Variants in CDCA2 observed in about 807,000 individuals in gnomAD.
The protein encoded by CDCA2 is cell division cycle-associated protein 2.
A neutral mutation model predicts 67.0 loss-of-function variants in CDCA2; 44 were observed. The ratio of observed to expected loss-of-function variants is 0.66; its 90% confidence interval spans 0.52 to 0.84. The LOEUF (loss-of-function observed/expected upper bound fraction) is 0.84, where lower values mean the gene tolerates loss of function less well. CDCA2 is among the 40% of genes least tolerant of loss of function. CDCA2 has a pLI of 0.00. For synonymous variants in CDCA2, 447 were observed against 418.7 expected (o/e 1.07, Z -0.82); for missense variants, 1,253 against 1,203.2 (o/e 1.04, Z -0.61).
chr8:25,492,779 T>C (rs1328187460), intron 13 of CDCA2, among the ~76,000 whole-genome samples: 1 of 152,234 alleles, frequency 6.6e-6, no homozygotes, highest in Non-Finnish European at 1.5e-5. Flanking sequence ...TTGGTTGTTG[T>C]GCAGGACAAT....
Position 25,489,520 on chromosome 8 carries a change from C to T in CDCA2, c.1671+831C>T, listed in dbSNP as rs113498834. Among the ~76,000 whole-genome samples the T allele has an allele frequency of 3.1e-3, 472 of 152,298 alleles. 4 individuals carry two copies. Among genetic ancestry groups the T allele is most frequent in the African/African-American group, 0.011 (453 of 41,580 alleles). Reference sequence around the variant, plus strand: ...TTCCAGTCTGACTGAGTTATCCTCTCTTCCATCTGACATAGCCCCTAGAGA... The same window carrying T: ...TTCCAGTCTGACTGAGTTATCCTCTTTTCCATCTGACATAGCCCCTAGAGA... On this transcript the variant is annotated intron_variant, in intron 13 of 14. Coordinates refer to ENST00000330560, the MANE Select transcript of CDCA2 (RefSeq NM_152562.4).
At chr8:25,478,795 G>A (rs1532915) in intron 7 of CDCA2, among the ~76,000 whole-genome samples, 82,442 of 151,126 alleles carry the variant, frequency 0.55, 24,070 homozygotes, top group Middle Eastern at 0.66. Flanking sequence ...TTTACCCAAA[G>A]CAGTAGCACT....
In CDCA2 at chr8:25,485,815, A is replaced by T. The variant is rs1278801863; in HGVS notation, c.1422A>T (p.Ser474=). 3.1e-6 allele frequency: 5 copies of T among 1,603,336 alleles called. No homozygotes were observed. In the African/African-American group the frequency reaches 5.4e-5, roughly 17 times the overall value. ...CCGTTCTCAGTTCTCCTAATAAATC[A>T]TCAATCTCTGAGACCCTTTCAGGTA... ...SFAVLSSPNK[S]SISETLSGTD... is the part of the protein sequence containing the mutation. Residue 474 remains serine, a synonymous_variant, in exon 11 of 15, where the codon TCA becomes TCT. Coordinates refer to ENST00000330560, the MANE Select transcript of CDCA2 (RefSeq NM_152562.4).
Position 25,469,938 on chromosome 8 carries a change from G to T in CDCA2, c.778G>T (p.Glu260Ter). The T allele has an allele frequency of 6.2e-7, 1 of 1,611,652 alleles. No homozygotes were observed. The highest frequency in any genetic ancestry group is 2.2e-5 in the East Asian group (1 of 44,758). Residue 260 changes from glutamate (E) to a stop codon, truncating the protein, a stop_gained, in exon 7 of 15, where the codon GAA (glutamate) becomes TAA (stop). Transcript: ENST00000330560. LOFTEE classifies it high-confidence loss of function. ...LGSTQSGFLV[E>*]ESLPLSELTE... ...TTCAACACAGTCTGGATTTTTAGTT[G>T]AAGAGTCTCTTCCCCTTTCAGAGCT...
Position 25,507,686 on chromosome 8 carries a change from G to A in CDCA2, c.3020G>A (p.Ser1007Asn), listed in dbSNP as rs368980502. 71 of 1,613,954 alleles carry A rather than the reference G, an allele frequency of 4.4e-5. No individual in the cohort carries two copies. Among genetic ancestry groups the A allele is most frequent in the South Asian group, 4.2e-4 (38 of 91,046 alleles). ...RRSSLNGKGE[S>N]SLTALERIEH... ...TCCTCTCTTAATGGGAAGGGAGAGAGCTCTCTGACTGCCTTGGAAAGGATT... is the reference window on the plus strand; with the variant it reads ...TCCTCTCTTAATGGGAAGGGAGAGAACTCTCTGACTGCCTTGGAAAGGATT... Residue 1007 changes from serine (S) to asparagine (N), a missense_variant, in exon 15 of 15, where the codon AGC (serine) becomes AAC (asparagine). Coordinates refer to ENST00000330560, the MANE Select transcript of CDCA2 (RefSeq NM_152562.4).
At chr8:25,484,517 A>T (rs552282140) in intron 10 of CDCA2, among the ~76,000 whole-genome samples, 2 of 152,172 alleles carry the variant, frequency 1.3e-5, no homozygotes, top group East Asian at 3.9e-4. Context: ...TTACCTCATT[A>T]TCCCTATATC....
Position 25,507,665 on chromosome 8 carries a change from C to A in CDCA2, c.2999C>A (p.Ser1000Tyr). 1 of 1,614,160 alleles carries A rather than the reference C, an allele frequency of 6.2e-7. No individual in the cohort carries two copies. The highest frequency in any genetic ancestry group is 8.5e-7 in the Non-Finnish European group (1 of 1,180,024). The part of the protein sequence containing the change: ...SQFKGYRRRS[S>Y]LNGKGESSLT... ...TTCAAAGGCTACCGGAGAAGATCCT[C>A]TCTTAATGGGAAGGGAGAGAGCTCT... is the stretch of plus-strand genomic sequence containing the variant. The change falls in exon 15 of 15, where the codon TCT becomes TAT. Residue 1000 changes from serine (S) to tyrosine (Y), a missense_variant. Ser to Tyr is a moderately radical substitution (Grantham distance 144). Coordinates refer to ENST00000330560, the MANE Select transcript of CDCA2 (RefSeq NM_152562.4).
rs561627399 is a variant in CDCA2 at position 25,495,576 on chromosome 8, G to A, written c.1671+6887G>A. Reference sequence around the variant, plus strand: ...AATACAGGCACCTGCCACCACGCCCGGCTAATTTTTTATTTTTTATTTTTT... The same window carrying A: ...AATACAGGCACCTGCCACCACGCCCAGCTAATTTTTTATTTTTTATTTTTT... On this transcript the variant is annotated intron_variant, in intron 13 of 14. Transcript: ENST00000330560. Among the ~76,000 whole-genome samples the A allele has an allele frequency of 2.0e-5, 3 of 152,038 alleles. No individual in the cohort carries two copies. The South Asian group carries it at 6.2e-4, about 32-fold the overall frequency.
chr8:25,493,068 T>C (rs942479286), intron 13 of CDCA2, among the ~76,000 whole-genome samples: 1 of 152,192 alleles, frequency 6.6e-6, no homozygotes, highest in African/African-American at 2.4e-5. Flanking sequence ...GCTCAACTCT[T>C]AGAACAGTGC....
At chr8:25,467,002 A>G (rs980348279) in intron 5 of CDCA2, among the ~76,000 whole-genome samples, 26 of 120,908 alleles carry the variant, frequency 2.2e-4, no homozygotes, top group African/African-American at 3.1e-4. Flanking sequence ...AGATCGTGCT[A>G]TTGCACTCCA....
intron 5 of CDCA2, among the ~76,000 whole-genome samples, chr8:25,466,581 C>T (rs556833259): frequency 2.0e-5 from 3 of 152,182 alleles, no homozygotes; most frequent in African/African-American, 7.2e-5. Flanking sequence ...TTTTAAAATG[C>T]CAGAGATAAT....
chr8:25,506,630 A>G lies in CDCA2; in HGVS notation c.1964A>G (p.Asp655Gly). 2 of 1,613,492 alleles carry G rather than the reference A, an allele frequency of 1.2e-6. No individual in the cohort carries two copies. The highest frequency in any genetic ancestry group is 1.7e-6 in the Non-Finnish European group (2 of 1,179,890). ...ATGCATCAAGGCTATGATAAATATG[A>G]TGTCTCTGAATTCTGCTCTTATATA... Reference protein sequence around the residue: ...LHMHQGYDKYDVSEFCSYIKS... With the variant: ...LHMHQGYDKYGVSEFCSYIKS... The change falls in exon 15 of 15, where the codon GAT becomes GGT. Residue 655 changes from aspartate (D) to glycine (G), a missense_variant. By Grantham distance (94) the Asp-to-Gly change is moderately conservative. Coordinates refer to ENST00000330560, the MANE Select transcript of CDCA2 (RefSeq NM_152562.4).
chr8:25,484,426 C>A (rs749993127), intron 10 of CDCA2, among the ~76,000 whole-genome samples: 6 of 151,974 alleles, frequency 3.9e-5, no homozygotes, highest in Non-Finnish European at 7.4e-5. Context: ...AGATTTATGC[C>A]AATGAATTTA....
At position 25,478,093 on chromosome 8, in the gene CDCA2, AT is replaced by A. The variant is rs1234063285; in HGVS notation, c.821-1809del. Among the ~76,000 whole-genome samples the A allele has an allele frequency of 1.6e-3, 235 of 146,114 alleles. 3 individuals are homozygous for A. The South Asian group carries it at 0.02, about 13-fold the overall frequency. On this transcript the variant is annotated intron_variant, in intron 7 of 14. Coordinates refer to ENST00000330560, the MANE Select transcript of CDCA2 (RefSeq NM_152562.4). ...AGGTGCTCACTACCATGCCCAGCTA[AT>A]TTTTTTTTTTGGTAGGTACAGGATC...
At chr8:25,506,420 C>T in intron 14 of CDCA2, 90 bp from the exon 15 acceptor site, 1 of 1,248,852 alleles carries the variant, frequency 8.0e-7, no homozygotes, top group Non-Finnish European at 1.1e-6. Flanking sequence ...AACACAAAAA[C>T]AAAACAGGTC....
chr8:25,507,507 A>G lies in CDCA2; in HGVS notation c.2841A>G (p.Lys947=). 3.1e-6 allele frequency: 5 copies of G among 1,613,704 alleles called. No individual in the cohort carries two copies. The highest frequency in any genetic ancestry group is 4.2e-6 in the Non-Finnish European group (5 of 1,179,890). ...AAGAAACTGTGTCCTCCAGACAAAA[A>G]CCGCAGATGGCACCTCCCGTCTCAG... ...PIKETVSSRQ[K]PQMAPPVSDP... Residue 947 remains lysine (K), a synonymous_variant, in exon 15 of 15, where the codon AAA becomes AAG. Transcript: ENST00000330560.
At chr8:25,467,021 G>A (rs1413219559) in intron 5 of CDCA2, among the ~76,000 whole-genome samples, 5 of 102,182 alleles carry the variant, frequency 4.9e-5, no homozygotes, top group African/African-American at 7.5e-5. Context: ...CAGCCTGGGC[G>A]AAGAAGTGAG....
chr8:25,497,374 T>G (rs1215437924), intron 13 of CDCA2, among the ~76,000 whole-genome samples: 2 of 151,946 alleles, frequency 1.3e-5, no homozygotes, highest in African/African-American at 4.8e-5. Context: ...CAAAATGCTA[T>G]TCAGCCTTAA....
intron 5 of CDCA2, 118 bp from the exon 6 acceptor site, chr8:25,468,099 C>T (rs147123142): frequency 1.8e-4 from 59 of 328,954 alleles, no homozygotes; most frequent in African/African-American, 1.7e-3. Context: ...GCCTGGGCGA[C>T]AAGAGTGAAA....
Sources: allele counts gnomAD v4.1 joint callset (sites outside exome capture counted in the v4.1 genomes callset), GRCh38; gene constraint gnomAD v4.1.1; transcripts MANE v1.5; gene names NCBI Gene and HGNC (gene_info 2026-07-23, HGNC 2026-07-21).